The following TMED1 variants were observed in gnomAD, a reference collection of about 807,000 sequenced individuals.
TMED1 encodes the protein transmembrane p24 trafficking protein 1.
TMED1 carries 20 observed loss-of-function variants against 21.2 expected under a neutral mutation model. That is an observed-to-expected ratio of 0.95 (90% CI 0.67 to 1.37). The LOEUF (loss-of-function observed/expected upper bound fraction) is 1.37, where lower values mean the gene tolerates loss of function less well. Ranked by LOEUF, TMED1 falls within the 40% of genes most tolerant of loss-of-function variation. The probability of loss-of-function intolerance (pLI) is 0.00; values close to 1 mark genes in which losing one functional copy is unlikely to be tolerated. For missense variants in TMED1, 316 were observed against 309.8 expected, an observed-to-expected ratio of 1.02 and a Z score of -0.15; for synonymous variants, 149 against 134.7, an observed-to-expected ratio of 1.11 and a Z score of -0.74.
At position 10,832,828 on chromosome 19, in the gene TMED1, G is replaced by A. The variant is rs1019287471; in HGVS notation, c.*167C>T. ...GCCGTCCCTTCTACAAGCCAGAGGT[G>A]TTCCCTGCCCGCTGAGGACGGAAGG... On this transcript the variant is annotated 3_prime_UTR_variant, in exon 4 of 4. Coordinates refer to ENST00000214869, the MANE Select transcript of TMED1 (RefSeq NM_006858.4). The A allele has an allele frequency of 1.1e-5, 8 of 738,214 alleles. No homozygotes were observed. In the East Asian group the frequency reaches 2.2e-4, roughly 20 times the overall value. The allele number at this position is 738,214 out of a possible 1,614,324, so 45.7% of individuals were successfully genotyped here.
Position 10,833,020 on chromosome 19 carries a change from T to C in TMED1, c.659A>G (p.Gln220Arg). ...LQVCTLKRFF[Q>R]DKRPVPT Reference sequence around the variant, plus strand: ...CTACGTGGGCACCGGGCGCTTGTCCTGGAAGAAGCGCTTGAGCGTGCAGAC... The same window carrying C: ...CTACGTGGGCACCGGGCGCTTGTCCCGGAAGAAGCGCTTGAGCGTGCAGAC... The change falls in exon 4 of 4, where the codon CAG (glutamine) becomes CGG (arginine). Residue 220 changes from glutamine (Q) to arginine (R), a missense_variant. Physicochemically the swap from Gln to Arg is conservative, Grantham distance 43. Transcript: ENST00000214869. 4 of 1,613,506 alleles carry C rather than the reference T, an allele frequency of 2.5e-6. No individual in the cohort carries two copies. The highest frequency in any genetic ancestry group is 3.4e-6 in the Non-Finnish European group (4 of 1,180,034).
intron 3 of TMED1, among the ~76,000 whole-genome samples, chr19:10,833,673 T>C (rs2073390302): frequency 6.6e-6 from 1 of 152,064 alleles, no homozygotes; most frequent in South Asian, 2.1e-4. Context: ...ATTACACCTG[T>C]AATCCAAACA....
rs1352841640 is a variant in TMED1, at chr19:10,833,067, C to T, written c.612G>A (p.Leu204=). The T allele has an allele frequency of 3.7e-6, 6 of 1,614,024 alleles. 1 individual carries two copies. The South Asian group carries it at 6.6e-5, about 18-fold the overall frequency. ...AGACCTGCAGCACAGCCACCAGCAG[C>T]AGCACCGCCACGTTGACAGCTGACC... ...NFWSAVNVAV[L]LLVAVLQVCT... The change falls in exon 4 of 4, where the codon CTG becomes CTA. Residue 204 remains leucine, a synonymous_variant. Coordinates refer to ENST00000214869, the MANE Select transcript of TMED1 (RefSeq NM_006858.4).
At position 10,832,985 on chromosome 19, in the gene TMED1, A is replaced by G. The variant is rs756735306; in HGVS notation, c.*10T>C. Reference sequence around the variant, plus strand: ...CCTCCTTTGTCCCGTTCTTCCTTCCATGGCAGGGGCTACGTGGGCACCGGG... The same window carrying G: ...CCTCCTTTGTCCCGTTCTTCCTTCCGTGGCAGGGGCTACGTGGGCACCGGG... On this transcript the variant is annotated 3_prime_UTR_variant, in exon 4 of 4. Transcript: ENST00000214869. 46 of 1,610,118 alleles carry G rather than the reference A, an allele frequency of 2.9e-5. 1 individual carries two copies. The South Asian group carries it at 4.5e-4, about 16-fold the overall frequency.
intron 3 of TMED1, 135 bp from the exon 4 acceptor site, chr19:10,833,348 C>G (rs1305206892): frequency 5.5e-6 from 4 of 731,290 alleles, no homozygotes; most frequent in Non-Finnish European, 4.5e-6. Context: ...CTTGTTCAGG[C>G]TAAGTTCAAA....
chr19:10,835,606 A>G lies in TMED1; in HGVS notation c.184-253T>C, dbSNP rs1401883569. On this transcript the variant is annotated intron_variant, in intron 1 of 3. Coordinates refer to ENST00000214869, the MANE Select transcript of TMED1 (RefSeq NM_006858.4). ...AAAGTACTTAATGGACGTTTACCTG[A>G]CCACGCCCCTGGTTGGCTCCGCCTC... is the stretch of plus-strand genomic sequence containing the variant. 8 of 1,411,146 alleles carry G rather than the reference A, an allele frequency of 5.7e-6. No homozygotes were observed. In the East Asian group the frequency reaches 7.8e-5, roughly 14 times the overall value. 87.4% of individuals were successfully genotyped at this position (1,411,146 alleles called of 1,614,324 possible).
At chr19:10,835,455 G>A (rs953153062) in intron 1 of TMED1, 102 bp from the exon 2 acceptor site, 18 of 1,542,382 alleles carry the variant, frequency 1.2e-5, no homozygotes, top group Non-Finnish European at 1.3e-5. Flanking sequence ...AGACCACCAA[G>A]GGCTTACCTG....
intron 3 of TMED1, among the ~76,000 whole-genome samples, chr19:10,834,242 A>G (rs1166864885): frequency 6.6e-6 from 1 of 152,180 alleles, no homozygotes; most frequent in African/African-American, 2.4e-5. Flanking sequence ...AGTTGCTGAA[A>G]CCAGCATGGG....
Position 10,835,017 on chromosome 19 carries a change from G to A in TMED1, c.382C>T (p.Leu128Phe), listed in dbSNP as rs780912898. The change falls in exon 3 of 4, where the codon CTC (leucine) becomes TTC (phenylalanine). Residue 128 changes from leucine (L) to phenylalanine (F), a missense_variant. Transcript: ENST00000214869. ...LVFFELIFDS[L>F]QDDEEVEGWA... ...CCTTCGACCTCCTCGTCATCCTGGAGGCTGTCAAAGATCAGTTCAAAGAAC... is the reference window on the plus strand; with the variant it reads ...CCTTCGACCTCCTCGTCATCCTGGAAGCTGTCAAAGATCAGTTCAAAGAAC... 6.2e-7 allele frequency: 1 copy of A among 1,614,208 alleles called. No homozygotes were observed. The highest frequency in any genetic ancestry group is 8.5e-7 in the Non-Finnish European group (1 of 1,180,034).
chr19:10,835,768 A>G, intron 1 of TMED1: 2 of 1,413,724 alleles, frequency 1.4e-6, no homozygotes, highest in Non-Finnish European at 1.8e-6. Context: ...GAGGCTCCCT[A>G]TACTTATCGA....
At chr19:10,833,528 G>A (rs774408531) in intron 3 of TMED1, 1 of 369,452 alleles carries the variant, frequency 2.7e-6, no homozygotes, top group South Asian at 3.0e-5. Context: ...TTGGAAGGCT[G>A]AGGTGGGAGG....
Position 10,832,956 on chromosome 19 carries a change from T to C in TMED1, c.*39A>G. On this transcript the variant is annotated 3_prime_UTR_variant, in exon 4 of 4. Coordinates refer to ENST00000214869, the MANE Select transcript of TMED1 (RefSeq NM_006858.4). ...CAAGTCTCATATGCACACACCCTGC[T>C]GCCCCTCCTTTGTCCCGTTCTTCCT... 6.2e-7 allele frequency: 1 copy of C among 1,601,274 alleles called. No individual in the cohort carries two copies. Among genetic ancestry groups the C allele is most frequent in the Non-Finnish European group, 8.5e-7 (1 of 1,176,644 alleles).
At chr19:10,835,573 A>C (rs749748840) in intron 1 of TMED1, 69 of 1,431,286 alleles carry the variant, frequency 4.8e-5, no homozygotes, top group African/African-American at 1.0e-4. Flanking sequence ...CTGACCACGC[A>C]CCTACCAAAA....
chr19:10,835,097 C>T lies in TMED1; in HGVS notation c.302G>A (p.Gly101Glu), dbSNP rs1226962143. Residue 101 changes from glycine (G) to glutamate (E), a missense_variant, in exon 3 of 4, where the codon GGG becomes GAG. Physicochemically the swap from Gly to Glu is moderately conservative, Grantham distance 98. Coordinates refer to ENST00000214869, the MANE Select transcript of TMED1 (RefSeq NM_006858.4). ...GTTGTCAAAGCACAGCTTGTAGTCC[C>T]CGGCCTCCGTTGGCTCCACCCTGGG... ...GVHTVEPTEAGDYKLCFDNSF... is the reference protein window; with the variant it reads ...GVHTVEPTEAEDYKLCFDNSF... 1.2e-6 allele frequency: 2 copies of T among 1,613,966 alleles called. No individual in the cohort carries two copies. The highest frequency in any genetic ancestry group is 1.7e-6 in the Non-Finnish European group (2 of 1,179,966).
At position 10,832,423 on chromosome 19, in the gene TMED1, A is replaced by G. The variant is rs111373583; in HGVS notation, c.*572T>C. The G allele has an allele frequency of 1.1e-3, 1,237 of 1,159,010 alleles. 13 individuals are homozygous for G. The African/African-American group carries it at 0.016, about 15-fold the overall frequency. 71.8% of individuals were successfully genotyped at this position (1,159,010 alleles called of 1,614,324 possible). A position where few individuals can be genotyped will look rare whatever the true frequency, so the allele number is the denominator to read the frequency against. On this transcript the variant is annotated 3_prime_UTR_variant, in exon 4 of 4. Transcript: ENST00000214869. ...TCCTGGCTGGTGTCCCTGAGCCCCA[A>G]TCAGCAGGCTCTTGTGATTTTCTGA... is the stretch of plus-strand genomic sequence containing the variant.
Position 10,836,032 on chromosome 19 carries a change from C to T in TMED1, c.160G>A (p.Ala54Thr). 2 of 1,594,474 alleles carry T rather than the reference C, an allele frequency of 1.3e-6. No homozygotes were observed. Among genetic ancestry groups the T allele is most frequent in the Non-Finnish European group, 8.5e-7 (1 of 1,171,164 alleles). ...ACCTGGTATTCGGTCTCGAGGCTTGCGTTGGCCGGCGCGGACTGGTAGAAA... is the reference window on the plus strand; with the variant it reads ...ACCTGGTATTCGGTCTCGAGGCTTGTGTTGGCCGGCGCGGACTGGTAGAAA... ...QCFYQSAPAN[A>T]SLETEYQVIG... Residue 54 changes from alanine to threonine, a missense_variant, in exon 1 of 4, where the codon GCA becomes ACA. By Grantham distance (58) the Ala-to-Thr change is moderately conservative (BLOSUM62 0). Transcript: ENST00000214869.
chr19:10,833,248 C>T (rs2073382643), intron 3 of TMED1, 35 bp from the exon 4 acceptor site: 2 of 1,573,010 alleles, frequency 1.3e-6, no homozygotes, highest in African/African-American at 2.7e-5. Flanking sequence ...GTCAGGCCTC[C>T]CTCCACCCAT....
In TMED1 at chr19:10,835,048, C is replaced by T. The variant is rs1374668356; in HGVS notation, c.351G>A (p.Lys117=). 4 of 1,614,252 alleles carry T rather than the reference C, an allele frequency of 2.5e-6. No individual in the cohort carries two copies. The highest frequency in any genetic ancestry group is 2.2e-5 in the East Asian group (1 of 44,882). ...CAAAGATCAGTTCAAAGAACACCAG[C>T]TTCTCGGAGATGGTGCTGAAGGAGT... ...FDNSFSTISE[K]LVFFELIFDS... The change falls in exon 3 of 4, where the codon AAG becomes AAA. Residue 117 remains lysine, a synonymous_variant. Coordinates refer to ENST00000214869, the MANE Select transcript of TMED1 (RefSeq NM_006858.4).
chr19:10,834,177 G>C (rs2073396362), intron 3 of TMED1, among the ~76,000 whole-genome samples: 1 of 152,094 alleles, frequency 6.6e-6, no homozygotes, highest in Admixed American at 6.6e-5. Flanking sequence ...TAAATAAGTA[G>C]TTAATTAAAA....
Sources: gnomAD v4.1 joint callset for allele counts (sites outside exome capture counted in the v4.1 genomes callset) on GRCh38, gnomAD v4.1.1 for gene constraint, MANE v1.5 for transcripts, NCBI Gene and HGNC (gene_info 2026-07-23, HGNC 2026-07-21) for gene names.